Variants in TBC1D32 observed in about 807,000 individuals in gnomAD.
TBC1D32 encodes protein broad-minded.
In TBC1D32, 151 loss-of-function variants were observed where a neutral mutation model predicts 170.3. The observed-to-expected ratio is 0.89, with a 90% CI of 0.78 to 1.01. The LOEUF is 1.01. Among genes scored for constraint, TBC1D32 ranks in the 50% least tolerant of loss-of-function variants. TBC1D32 has a pLI of 0.00. For missense variants in TBC1D32, 1,464 were observed against 1,457.1 expected, an observed-to-expected ratio of 1.00 and a Z score of -0.08; for synonymous variants, 498 against 488.0, an observed-to-expected ratio of 1.02 and a Z score of -0.27.
intron 15 of TBC1D32, among the ~76,000 whole-genome samples, chr6:121,270,917 A>T (rs1327421399): frequency 1.1e-4 from 16 of 152,154 alleles, no homozygotes; most frequent in Admixed American, 7.9e-4. Context: ...TCCACCACAA[A>T]CAAGTTGACT....
intron 22 of TBC1D32, among the ~76,000 whole-genome samples, chr6:121,193,031 T>C (rs545125831): frequency 6.6e-6 from 1 of 152,240 alleles, no homozygotes; most frequent in Non-Finnish European, 1.5e-5. Context: ...CAAGAGGTGG[T>C]GCACTACACT....
Position 121,126,463 on chromosome 6 carries a change from T to C in TBC1D32, c.2900-2A>G. ...ATTTTTCAAGTAATTCTATTAAGGCTGTAATAAACAAAGGAATAATTAGGA... is the reference window on the plus strand; with the variant it reads ...ATTTTTCAAGTAATTCTATTAAGGCCGTAATAAACAAAGGAATAATTAGGA... On this transcript the variant is annotated splice_acceptor_variant, in intron 25 of 31. Transcript: ENST00000398212. LOFTEE classifies it high-confidence loss of function. 6.2e-7 allele frequency: 1 copy of C among 1,602,344 alleles called. No individual in the cohort carries two copies. The highest frequency in any genetic ancestry group is 8.5e-7 in the Non-Finnish European group (1 of 1,172,052).
intron 22 of TBC1D32, among the ~76,000 whole-genome samples, chr6:121,161,784 T>C (rs1230750621): frequency 6.6e-6 from 1 of 152,240 alleles, no homozygotes; most frequent in African/African-American, 2.4e-5. Context: ...ACGGTTGAAC[T>C]AATTTACACT....
At chr6:121,160,795 G>A (rs1383382998) in intron 23 of TBC1D32, among the ~76,000 whole-genome samples, 153 bp downstream of exon 23, 1 of 152,164 alleles carries the variant, frequency 6.6e-6, no homozygotes, top group Non-Finnish European at 1.5e-5. Flanking sequence ...TAGTTTGAAA[G>A]TATTTATTTG....
intron 31 of TBC1D32, 54 bp downstream of exon 31, chr6:121,090,799 C>A: frequency 6.6e-7 from 1 of 1,524,590 alleles, no homozygotes; most frequent in African/African-American, 1.4e-5. Context: ...TAATATTAAG[C>A]AACCAAAGTT....
chr6:121,113,101 A>T lies in TBC1D32; in HGVS notation c.3130T>A (p.Phe1044Ile), dbSNP rs951124843. 3 of 1,611,256 alleles carry T rather than the reference A, an allele frequency of 1.9e-6. No individual in the cohort carries two copies. In the African/African-American group the frequency reaches 4.0e-5, roughly 22 times the overall value. Residue 1044 changes from phenylalanine (F) to isoleucine (I), a missense_variant, in exon 28 of 32, where the codon TTC becomes ATC. This residue lies in a region of TBC1D32 where 1,363 missense variants were observed against 1,338.1 expected (regional missense o/e 1.02). Transcript: ENST00000398212. ...ATGGAAGTTTGCTGCTGTTTCAGGAATCTCTCACAATGCTTTAAAACCCAG... is the reference window on the plus strand; with the variant it reads ...ATGGAAGTTTGCTGCTGTTTCAGGATTCTCTCACAATGCTTTAAAACCCAG... Reference protein sequence around the residue: ...LTWVLKHCERFLKQQQTSIKS... With the variant: ...LTWVLKHCERILKQQQTSIKS...
chr6:121,320,903 C>T (rs926097473), intron 2 of TBC1D32, among the ~76,000 whole-genome samples: 6 of 152,002 alleles, frequency 3.9e-5, no homozygotes, highest in African/African-American at 7.3e-5. Flanking sequence ...TCATGTAATT[C>T]AACATCTTTT....
intron 21 of TBC1D32, among the ~76,000 whole-genome samples, chr6:121,206,840 C>A (rs1448850395): frequency 1.3e-5 from 2 of 152,118 alleles, no homozygotes; most frequent in Non-Finnish European, 2.9e-5. Context: ...AGAATGTGAG[C>A]TAAACAACTC....
At chr6:121,267,140 A>AAAGGG (rs1554294716) in intron 15 of TBC1D32, among the ~76,000 whole-genome samples, 1 of 150,064 alleles carries the variant, frequency 6.7e-6, no homozygotes, top group Non-Finnish European at 1.5e-5. Flanking sequence ...AAAAAAAAAA[A>AAAGGG]GGTCGGGGGG....
At chr6:121,283,238 G>C (rs563987939) in intron 13 of TBC1D32, among the ~76,000 whole-genome samples, 1 of 151,692 alleles carries the variant, frequency 6.6e-6, no homozygotes, top group Non-Finnish European at 1.5e-5. Flanking sequence ...ACACTGGTGT[G>C]TTTTATTATT....
At chr6:121,114,912 G>T (rs17083187) in intron 27 of TBC1D32, among the ~76,000 whole-genome samples, 41,170 of 151,982 alleles carry the variant, frequency 0.27, 8,478 homozygotes, top group African/African-American at 0.57. Flanking sequence ...TGTTATTTTT[G>T]TAAAAAACCT....
chr6:121,191,079 G>T (rs1315690545), intron 22 of TBC1D32, among the ~76,000 whole-genome samples: 2 of 151,566 alleles, frequency 1.3e-5, no homozygotes, highest in African/African-American at 4.9e-5. Flanking sequence ...ATATGTATAT[G>T]TGCTTGGTTA....
chr6:121,187,680 C>T (rs1181627430), intron 22 of TBC1D32, among the ~76,000 whole-genome samples: 1 of 148,348 alleles, frequency 6.7e-6, no homozygotes, highest in East Asian at 2.0e-4. Context: ...AACAGGGGAT[C>T]TAACCCACAA....
At chr6:121,183,375 A>C (rs946712889) in intron 22 of TBC1D32, among the ~76,000 whole-genome samples, 9 of 152,156 alleles carry the variant, frequency 5.9e-5, no homozygotes, top group Admixed American at 5.9e-4. Context: ...TGATAAAGAC[A>C]TAACAGTTTG....
intron 22 of TBC1D32, among the ~76,000 whole-genome samples, chr6:121,197,017 C>G (rs969713666): frequency 6.6e-6 from 1 of 152,148 alleles, no homozygotes. Flanking sequence ...GGAGACAAAA[C>G]AATGATTCCA....
chr6:121,226,406 C>G (rs566760725), intron 20 of TBC1D32, among the ~76,000 whole-genome samples: 2 of 151,998 alleles, frequency 1.3e-5, no homozygotes, highest in Admixed American at 6.6e-5. Flanking sequence ...CAGAGATGTG[C>G]TACATTAATG....
chr6:121,152,901 T>A (rs1034088171), intron 24 of TBC1D32, among the ~76,000 whole-genome samples: 20 of 152,298 alleles, frequency 1.3e-4, no homozygotes, highest in African/African-American at 4.8e-4. Flanking sequence ...GCAATTCCTG[T>A]AACCTTTTAT....
intron 3 of TBC1D32, 25 bp downstream of exon 3, chr6:121,317,470 A>G (rs760395227): frequency 6.7e-7 from 1 of 1,490,454 alleles, no homozygotes; most frequent in Non-Finnish European, 9.0e-7. Flanking sequence ...ATTTCAAGAC[A>G]TAAATGCAAA....
intron 24 of TBC1D32, among the ~76,000 whole-genome samples, chr6:121,138,361 TTA>T (rs1782372073): frequency 6.6e-6 from 1 of 152,172 alleles, no homozygotes; most frequent in African/African-American, 2.4e-5. Flanking sequence ...AAATGAAGAA[TTA>T]GTCTTCCCTT....
Sources: gnomAD v4.1 joint callset for allele counts (sites outside exome capture counted in the v4.1 genomes callset) on GRCh38, gnomAD v4.1.1 for gene constraint, gnomAD v4.1.1 regional missense constraint, MANE v1.5 for transcripts, NCBI Gene and HGNC (gene_info 2026-07-23, HGNC 2026-07-21) for gene names.